The following DYNC2H1 variants were observed in gnomAD, a reference collection of about 807,000 sequenced individuals.
DYNC2H1 encodes the protein dynein cytoplasmic 2 heavy chain 1.
In DYNC2H1, 410 loss-of-function variants were observed where a neutral mutation model predicts 570.0. That is an observed-to-expected ratio of 0.72 (90% CI 0.66 to 0.78). The LOEUF is 0.78. DYNC2H1 is among the 30% of genes least tolerant of loss of function. DYNC2H1 has a pLI of 0.00. For missense variants in DYNC2H1, 4,865 were observed against 5,046.4 expected, an observed-to-expected ratio of 0.96 and a Z score of 1.09; for synonymous variants, 1,688 against 1,677.6, an observed-to-expected ratio of 1.01 and a Z score of -0.15.
intron 76 of DYNC2H1, among the ~76,000 whole-genome samples, chr11:103,304,034 CTTTT>C (rs1036231395): frequency 1.3e-5 from 2 of 151,330 alleles, no homozygotes; most frequent in Admixed American, 1.3e-4. Flanking sequence ...TTCAGGGTGC[CTTTT>C]TTTCAATTTG....
chr11:103,136,754 C>G (rs1859580862), intron 17 of DYNC2H1, among the ~76,000 whole-genome samples: 1 of 152,084 alleles, frequency 6.6e-6, no homozygotes, highest in South Asian at 2.1e-4. Context: ...AATGGGATGG[C>G]TGGGTCAAAT....
intron 83 of DYNC2H1, among the ~76,000 whole-genome samples, chr11:103,397,962 T>C (rs1281437519): frequency 6.6e-6 from 1 of 152,234 alleles, no homozygotes; most frequent in Non-Finnish European, 1.5e-5. Flanking sequence ...AATGGAATCT[T>C]GCTTCAATGA....
At chr11:103,303,825 G>A (rs1353384837) in intron 76 of DYNC2H1, among the ~76,000 whole-genome samples, 1 of 152,044 alleles carries the variant, frequency 6.6e-6, no homozygotes, top group Non-Finnish European at 1.5e-5. Flanking sequence ...ATTTCTTAAA[G>A]CAGTTATAGG....
chr11:103,379,482 T>G (rs1941547265), intron 83 of DYNC2H1, among the ~76,000 whole-genome samples: 1 of 152,214 alleles, frequency 6.6e-6, no homozygotes, highest in Non-Finnish European at 1.5e-5. Context: ...TCTGCTGTAG[T>G]TTTACCCCTC....
At chr11:103,193,297 G>T (rs565425475) in intron 47 of DYNC2H1, among the ~76,000 whole-genome samples, 59 of 152,248 alleles carry the variant, frequency 3.9e-4, no homozygotes, top group African/African-American at 1.1e-3. Context: ...TTAGTGTGGA[G>T]AAGCTTAGGT....
intron 79 of DYNC2H1, among the ~76,000 whole-genome samples, chr11:103,315,415 C>G (rs1937768188): frequency 6.6e-6 from 1 of 151,930 alleles, no homozygotes; most frequent in Admixed American, 6.6e-5. Context: ...CATGATATTC[C>G]TTCCCAAACC....
In DYNC2H1 at chr11:103,154,561, A is replaced by T. The variant is rs1162846011; in HGVS notation, c.3413A>T (p.Gln1138Leu). The change falls in exon 23 of 89, where the codon CAA becomes CTA. Residue 1138 changes from glutamine (Q) to leucine (L), a missense_variant. Transcript: ENST00000375735. ...AQIWAFYEEF[Q>L]QGFQEMANED... Reference sequence around the variant, plus strand: ...ATTTGGGCCTTTTATGAAGAGTTTCAACAAGGATTTCAGGAAATGGCCAAT... The same window carrying T: ...ATTTGGGCCTTTTATGAAGAGTTTCTACAAGGATTTCAGGAAATGGCCAAT... 3 of 1,602,066 alleles carry T rather than the reference A, an allele frequency of 1.9e-6. No homozygotes were observed. The highest frequency in any genetic ancestry group is 3.4e-5 in the Admixed American group (2 of 58,310).
At chr11:103,234,266 T>G in intron 61 of DYNC2H1, 106 bp downstream of exon 61, 1 of 1,297,398 alleles carries the variant, frequency 7.7e-7, no homozygotes, top group East Asian at 2.6e-5. Context: ...AATTTGCACC[T>G]GGCTCAGGAT....
At chr11:103,457,166 G>A (rs1003035624) in intron 87 of DYNC2H1, among the ~76,000 whole-genome samples, 12 of 152,152 alleles carry the variant, frequency 7.9e-5, no homozygotes, top group African/African-American at 2.4e-4. Flanking sequence ...ACAAATCTGC[G>A]CTGCCAGTTA....
intron 74 of DYNC2H1, 131 bp downstream of exon 74, chr11:103,286,517 A>G: frequency 9.3e-7 from 1 of 1,076,442 alleles, no homozygotes; most frequent in Non-Finnish European, 1.3e-6. Flanking sequence ...GAAGGGCTTG[A>G]TCCTTTTGCC....
At chr11:103,222,825 A>T (rs1863639998) in intron 58 of DYNC2H1, 140 bp from the exon 59 acceptor site, 2 of 858,744 alleles carry the variant, frequency 2.3e-6, no homozygotes. Context: ...AGTTCACTGT[A>T]TTTTTATTTT....
chr11:103,284,220 A>T (rs1024604590), intron 73 of DYNC2H1, among the ~76,000 whole-genome samples: 8 of 152,156 alleles, frequency 5.3e-5, no homozygotes, highest in African/African-American at 1.9e-4. Context: ...GTAATTTTCC[A>T]TCCACTGACC....
At chr11:103,386,604 CTCA>C (rs1477569035) in intron 83 of DYNC2H1, among the ~76,000 whole-genome samples, 1 of 152,090 alleles carries the variant, frequency 6.6e-6, no homozygotes, top group African/African-American at 2.4e-5. Flanking sequence ...CACCCATTAA[CTCA>C]TCATGTAACG....
intron 34 of DYNC2H1, among the ~76,000 whole-genome samples, 173 bp from the exon 35 acceptor site, chr11:103,172,909 T>C (rs1861632703): frequency 6.6e-6 from 1 of 151,956 alleles, no homozygotes; most frequent in South Asian, 2.1e-4. Context: ...GGTTAGTACA[T>C]TGGAGGTTAC....
At chr11:103,132,838 G>A (rs1254373297) in intron 13 of DYNC2H1, among the ~76,000 whole-genome samples, 1 of 151,788 alleles carries the variant, frequency 6.6e-6, no homozygotes, top group African/African-American at 2.4e-5. Context: ...TCCAAGCTGG[G>A]GTGTAAGCTC....
intron 3 of DYNC2H1, 52 bp downstream of exon 3, chr11:103,114,290 T>C: frequency 6.9e-7 from 1 of 1,450,404 alleles, no homozygotes; most frequent in East Asian, 2.6e-5. Context: ...GTCTCATTAA[T>C]ACATTAGTAA....
chr11:103,339,685 G>A (rs1486499678), intron 82 of DYNC2H1, among the ~76,000 whole-genome samples: 2 of 152,170 alleles, frequency 1.3e-5, no homozygotes, highest in African/African-American at 4.8e-5. Flanking sequence ...GTGTCGTGCT[G>A]GATTGCATTC....
At position 103,311,591 on chromosome 11, in the gene DYNC2H1, A is replaced by G. The variant is rs3802831; in HGVS notation, c.11494-287A>G. Among the ~76,000 whole-genome samples, 55,309 of 151,796 alleles carry G rather than the reference A, an allele frequency of 0.36. 10,523 individuals are homozygous for G. Among genetic ancestry groups the G allele is most frequent in the Middle Eastern group, 0.43 (125 of 292 alleles). Reference sequence around the variant, plus strand: ...AGTAGTGATTTAGTGTCAGTGGGAAAAAAAAAACCTCTCAATCATCCTATA... The same window carrying G: ...AGTAGTGATTTAGTGTCAGTGGGAAGAAAAAAACCTCTCAATCATCCTATA... On this transcript the variant is annotated intron_variant, in intron 78 of 88. Transcript: ENST00000375735.
intron 45 of DYNC2H1, among the ~76,000 whole-genome samples, chr11:103,190,289 A>G (rs1862243611): frequency 6.6e-6 from 1 of 152,206 alleles, no homozygotes; most frequent in Admixed American, 6.5e-5. Flanking sequence ...ACATTTGTTG[A>G]GCACCTTTTC....
Sources: gnomAD v4.1 joint callset for allele counts (sites outside exome capture counted in the v4.1 genomes callset) on GRCh38, gnomAD v4.1.1 for gene constraint, MANE v1.5 for transcripts, NCBI Gene and HGNC (gene_info 2026-07-23, HGNC 2026-07-21) for gene names.